The following BANP variants were observed in gnomAD, a reference collection of about 807,000 sequenced individuals.
The protein encoded by BANP is BTG3 associated nuclear protein, also known as protein BANP.
Under a neutral mutation model 68.1 loss-of-function variants are expected in BANP, and 11 were observed. The ratio of observed to expected loss-of-function variants is 0.16; its 90% confidence interval spans 0.10 to 0.27. The LOEUF (loss-of-function observed/expected upper bound fraction) is 0.27, where lower values mean the gene tolerates loss of function less well. Among genes scored for constraint, BANP ranks in the 10% least tolerant of loss-of-function variants. The pLI is 1.00. For missense variants in BANP, 504 were observed against 722.7 expected, an observed-to-expected ratio of 0.70 and a Z score of 3.47; for synonymous variants, 329 against 303.2, an observed-to-expected ratio of 1.09 and a Z score of -0.88.
rs551340249 is a variant in BANP, at chr16:88,064,961, A to G, written c.1312-306A>G. On this transcript the variant is annotated intron_variant, in intron 11 of 13. Transcript: ENST00000682872. The surrounding 1 kb of genome is among the most constrained non-coding windows in gnomAD (Gnocchi z 4.5). ...TTTGTTTTGGCTTTTAAAAACTCCTACAGTACAAACTCTTTCTAATGGAAA... is the reference window on the plus strand; with the variant it reads ...TTTGTTTTGGCTTTTAAAAACTCCTGCAGTACAAACTCTTTCTAATGGAAA... Among the ~76,000 whole-genome samples the G allele has an allele frequency of 4.5e-4, 69 of 152,334 alleles. No homozygotes were observed. The highest frequency in any genetic ancestry group is 1.5e-3 in the African/African-American group (62 of 41,588).
chr16:87,972,835 A>G (rs1271624186), intron 1 of BANP, among the ~76,000 whole-genome samples: 1 of 152,160 alleles, frequency 6.6e-6, no homozygotes, highest in Non-Finnish European at 1.5e-5. Flanking sequence ...TTGGCCTAAA[A>G]GGGAGCTTTG....
At chr16:87,997,012 G>A (rs1304127097) in intron 4 of BANP, among the ~76,000 whole-genome samples, 1 of 152,236 alleles carries the variant, frequency 6.6e-6, no homozygotes, top group Non-Finnish European at 1.5e-5. Flanking sequence ...GTTGCCCAGA[G>A]CACAGGGCAG....
At chr16:87,958,234 T>A (rs2058481260) in intron 1 of BANP, among the ~76,000 whole-genome samples, 1 of 152,164 alleles carries the variant, frequency 6.6e-6, no homozygotes, top group Non-Finnish European at 1.5e-5. Context: ...TGGTCTTATT[T>A]TGAGTGCATT....
intron 4 of BANP, among the ~76,000 whole-genome samples, chr16:87,990,434 G>T (rs1302333072): frequency 6.6e-6 from 1 of 152,172 alleles, no homozygotes; most frequent in Non-Finnish European, 1.5e-5. Flanking sequence ...ATTTGTTGTG[G>T]TGTTATGTAG....
intron 1 of BANP, among the ~76,000 whole-genome samples, chr16:87,967,621 A>AGTTT (rs1567605852): frequency 2.5e-4 from 14 of 54,998 alleles, no homozygotes; most frequent in Non-Finnish European, 3.4e-4. Flanking sequence ...ACACCCAGTT[A>AGTTT]ATTTTTTTTT....
At chr16:88,070,509 C>T (rs1243896769) in intron 12 of BANP, among the ~76,000 whole-genome samples, 2 of 152,242 alleles carry the variant, frequency 1.3e-5, no homozygotes, top group Non-Finnish European at 2.9e-5. Context: ...GATGGCTCAG[C>T]TATTCGCCCG....
intron 1 of BANP, among the ~76,000 whole-genome samples, chr16:87,961,243 G>C (rs186928962): frequency 6.6e-6 from 1 of 152,292 alleles, no homozygotes; most frequent in East Asian, 1.9e-4. Context: ...GTGTCAAAGA[G>C]GAATCTCCAT....
In BANP at chr16:88,006,203, G is replaced by A; in HGVS notation, c.593G>A (p.Cys198Tyr). ...GAGGCCAGCGACTCTGTGTCCAGCT[G>A]TGGGCAGGCGGGCAGTCAGAGCATC... ...GSEASDSVSS[C>Y]GQAGSQSIGS... is the part of the protein sequence containing the mutation. The change falls in exon 6 of 14, where the codon TGT becomes TAT. Residue 198 changes from cysteine to tyrosine, a missense_variant. Cys to Tyr is a radical substitution (Grantham distance 194). This residue lies in a region of BANP where 238 missense variants were observed against 278.9 expected (regional missense o/e 0.85). Transcript: ENST00000682872. 1 of 1,613,648 alleles carries A rather than the reference G, an allele frequency of 6.2e-7. No individual in the cohort carries two copies. The highest frequency in any genetic ancestry group is 8.5e-7 in the Non-Finnish European group (1 of 1,179,824).
At chr16:87,959,135 G>T (rs190897540) in intron 1 of BANP, among the ~76,000 whole-genome samples, 1 of 152,208 alleles carries the variant, frequency 6.6e-6, no homozygotes, top group Non-Finnish European at 1.5e-5. Context: ...GGGTCAGAGT[G>T]TAAGTGTTTC....
intron 11 of BANP, among the ~76,000 whole-genome samples, chr16:88,059,845 G>A (rs894007196): frequency 4.6e-5 from 7 of 151,998 alleles, no homozygotes; most frequent in Admixed American, 1.3e-4. Context: ...CGCTGAGTGC[G>A]CCTAGGTCAG....
intron 12 of BANP, 21 bp from the exon 13 acceptor site, chr16:88,072,048 C>G: frequency 1.3e-6 from 2 of 1,554,730 alleles, no homozygotes; most frequent in Non-Finnish European, 1.7e-6. Flanking sequence ...CGCTGACGGG[C>G]CCCCGTGTGT....
intron 4 of BANP, among the ~76,000 whole-genome samples, chr16:87,987,052 A>C (rs957487293): frequency 3.3e-5 from 5 of 152,216 alleles, no homozygotes; most frequent in African/African-American, 1.2e-4. Flanking sequence ...TATTTAAAAT[A>C]TATCCTATTC....
chr16:88,065,348 A>T lies in BANP; in HGVS notation c.1377+16A>T. 2.6e-6 allele frequency: 2 copies of T among 765,974 alleles called. No individual in the cohort carries two copies. Among genetic ancestry groups the T allele is most frequent in the Non-Finnish European group, 4.8e-6 (2 of 415,418 alleles). 47.4% of individuals were successfully genotyped at this position (765,974 alleles called of 1,614,324 possible). On this transcript the variant is annotated intron_variant, in intron 12 of 13. Transcript: ENST00000682872. ...CAGTGGCCAGGTGAGTCCTTTGTAC[A>T]TCCCATCTCTCCCACCCTCTGTGGC...
chr16:87,992,956 G>A (rs1287203954), intron 4 of BANP, among the ~76,000 whole-genome samples: 4 of 152,200 alleles, frequency 2.6e-5, no homozygotes, highest in Non-Finnish European at 5.9e-5. Context: ...ATGCTCTGCT[G>A]CCAGGCCTCC....
intron 12 of BANP, among the ~76,000 whole-genome samples, chr16:88,068,758 C>T (rs1484889528): frequency 6.6e-6 from 1 of 152,106 alleles, no homozygotes; most frequent in Non-Finnish European, 1.5e-5. Flanking sequence ...CAAGTGCAGC[C>T]TTGCCCGGTC....
intron 8 of BANP, 24 bp from the exon 9 acceptor site, chr16:88,033,085 C>T (rs1403221771): frequency 6.4e-6 from 10 of 1,574,050 alleles, no homozygotes; most frequent in African/African-American, 2.7e-5. Context: ...TCGTTCACCC[C>T]GTTCACACCT....
At chr16:88,005,217 G>C (rs1567724526) in intron 5 of BANP, among the ~76,000 whole-genome samples, 2 of 152,200 alleles carry the variant, frequency 1.3e-5, no homozygotes, top group Admixed American at 1.3e-4. Flanking sequence ...AGGGTCAGCT[G>C]TGCCTCAGGG....
rs550762919 is a variant in BANP, at chr16:87,973,737, G to A, written c.-68-1311G>A. Among the ~76,000 whole-genome samples, 4 of 112,468 alleles carry A rather than the reference G, an allele frequency of 3.6e-5. 1 individual carries two copies. The highest frequency in any genetic ancestry group is 3.3e-4 in the Admixed American group (3 of 9,140). The allele number at this position is 112,468 out of a possible 152,430, so 73.8% of individuals were successfully genotyped here. ...CATTGCATTCCAGCCTGGGCAACAG[G>A]AGCAAAACTCCATCACAAAAAAAAA... On this transcript the variant is annotated intron_variant, in intron 1 of 13. Coordinates refer to ENST00000682872, the MANE Select transcript of BANP (RefSeq NM_001386991.1).
In BANP at chr16:88,076,923, A is replaced by G. The variant is rs974531094; in HGVS notation, c.*262A>G. On this transcript the variant is annotated 3_prime_UTR_variant, in exon 14 of 14. Coordinates refer to ENST00000682872, the MANE Select transcript of BANP (RefSeq NM_001386991.1). ...AGGCACGGTGCGGAGAGCGTCGCAT[A>G]TGCGCGGGAAATCAAGAACTATGAT... 2.3e-6 allele frequency: 1 copy of G among 442,808 alleles called. No individual in the cohort carries two copies. Among genetic ancestry groups the G allele is most frequent in the Non-Finnish European group, 4.0e-6 (1 of 249,700 alleles). 27.4% of individuals were successfully genotyped at this position (442,808 alleles called of 1,614,324 possible). A position where few individuals can be genotyped will look rare whatever the true frequency, so the allele number is the denominator to read the frequency against.
Sources: gnomAD v4.1 joint callset for allele counts (sites outside exome capture counted in the v4.1 genomes callset) on GRCh38, gnomAD v4.1.1 for gene constraint, gnomAD v4.1.1 regional missense constraint, Gnocchi (gnomAD v3.1) non-coding constraint, MANE v1.5 for transcripts, NCBI Gene and HGNC (gene_info 2026-07-23, HGNC 2026-07-21) for gene names.